DOCK4: variants seen among roughly 807,000 people sequenced by gnomAD.
DOCK4 encodes dedicator of cytokinesis 4.
Under a neutral mutation model 268.1 loss-of-function variants are expected in DOCK4, and 97 were observed. The ratio of observed to expected loss-of-function variants is 0.36; its 90% CI spans 0.31 to 0.43. The LOEUF (loss-of-function observed/expected upper bound fraction) is 0.43, where lower values mean the gene tolerates loss of function less well. DOCK4 is among the 20% of genes least tolerant of loss of function. The pLI, the probability that DOCK4 is intolerant of heterozygous loss-of-function variation, is 1.00. For missense variants in DOCK4, 2,145 were observed against 2,455.7 expected, an observed-to-expected ratio of 0.87 and a Z score of 2.67; for synonymous variants, 954 against 887.2, an observed-to-expected ratio of 1.08 and a Z score of -1.34.
At chr7:111,834,500 T>C (rs1442814832) in intron 26 of DOCK4, 88 bp downstream of exon 26, 6 of 1,005,384 alleles carry the variant, frequency 6.0e-6, no homozygotes, top group East Asian at 5.4e-5. Context: ...GGTAAAGCAA[T>C]TGTCTAGGAT....
intron 36 of DOCK4, among the ~76,000 whole-genome samples, chr7:111,776,083 C>T (rs955207177): frequency 2.0e-5 from 3 of 152,158 alleles, no homozygotes; most frequent in Non-Finnish European, 4.4e-5. Context: ...TTAATGTCTT[C>T]CTAAAGATTT....
intron 42 of DOCK4, among the ~76,000 whole-genome samples, chr7:111,753,005 T>TGGGGGGG (rs5886603): frequency 3.8e-5 from 4 of 105,200 alleles, no homozygotes; most frequent in South Asian, 4.5e-4. Flanking sequence ...GATAAGCTAT[T>TGGGGGGG]GGGGGGGGGG....
Position 111,765,768 on chromosome 7 carries a change from T to C in DOCK4, c.3916-546A>G, listed in dbSNP as rs560258456. Among the ~76,000 whole-genome samples the C allele has an allele frequency of 1.2e-3, 177 of 152,258 alleles. 1 individual carries two copies. The highest frequency in any genetic ancestry group is 4.1e-3 in the African/African-American group (171 of 41,554). ...AACAAACCAAACCAAAGGAGACCCA[T>C]AGTGCAAAGTGCTGTCTGGGCTGAA... is the stretch of plus-strand genomic sequence containing the variant. On this transcript the variant is annotated intron_variant, in intron 38 of 52. Transcript: ENST00000428084.
intron 51 of DOCK4, among the ~76,000 whole-genome samples, 164 bp downstream of exon 51, chr7:111,734,887 TAGA>T (rs1563425559): frequency 6.6e-6 from 1 of 152,128 alleles, no homozygotes; most frequent in African/African-American, 2.4e-5. Flanking sequence ...CCCCGTGTAA[TAGA>T]AGTTCAGGAA....
At chr7:111,883,354 A>G (rs1807570834) in intron 16 of DOCK4, among the ~76,000 whole-genome samples, 2 of 152,076 alleles carry the variant, frequency 1.3e-5, no homozygotes, top group South Asian at 2.1e-4. Context: ...TTTGGGTTCC[A>G]TATGTCTAAC....
At chr7:111,935,697 A>C in intron 11 of DOCK4, 69 bp from the exon 12 acceptor site, 2 of 1,358,674 alleles carry the variant, frequency 1.5e-6, no homozygotes, top group Admixed American at 1.8e-5. Context: ...CTCATAGTAC[A>C]TCTGCCCTTT....
intron 52 of DOCK4, among the ~76,000 whole-genome samples, chr7:111,729,781 G>A (rs1037095695): frequency 6.6e-6 from 1 of 152,198 alleles, no homozygotes; most frequent in Non-Finnish European, 1.5e-5. Flanking sequence ...AGAGGCACCC[G>A]AGGTTCTGCA....
At position 111,839,795 on chromosome 7, in the gene DOCK4, CT is replaced by C. The variant is rs1423732860; in HGVS notation, c.2736+4967del. On this transcript the variant is annotated intron_variant, in intron 25 of 52. Transcript: ENST00000428084. ...TTATCCATAATGTAATTTTTTTGCT[CT>C]ATTTCTTAAACTTAAATTTTAATTA... is the stretch of plus-strand genomic sequence containing the variant. Among the ~76,000 whole-genome samples the C allele has an allele frequency of 1.3e-5, 2 of 152,062 alleles. 1 individual carries two copies. The highest frequency in any genetic ancestry group is 3.8e-4 in the East Asian group (2 of 5,196).
At chr7:111,982,271 C>A (rs1029995419) in intron 7 of DOCK4, among the ~76,000 whole-genome samples, 1 of 152,168 alleles carries the variant, frequency 6.6e-6, no homozygotes, top group African/African-American at 2.4e-5. Context: ...TACCATAAAA[C>A]CACAACCAAA....
intron 52 of DOCK4, among the ~76,000 whole-genome samples, chr7:111,731,462 C>T (rs1795078007): frequency 6.6e-6 from 1 of 152,182 alleles, no homozygotes; most frequent in Non-Finnish European, 1.5e-5. Flanking sequence ...CGACACACTT[C>T]ATATTTGCCT....
chr7:112,202,319 G>A (rs1821015173), intron 1 of DOCK4, among the ~76,000 whole-genome samples: 1 of 152,132 alleles, frequency 6.6e-6, no homozygotes, highest in African/African-American at 2.4e-5. Context: ...TGTGCACAGC[G>A]TTCCCTTTTC....
intron 1 of DOCK4, among the ~76,000 whole-genome samples, chr7:112,041,424 A>G (rs146648893): frequency 2.2e-4 from 33 of 152,370 alleles, no homozygotes; most frequent in Admixed American, 5.9e-4. Context: ...TTCAATGTAT[A>G]TGAATACACA....
chr7:112,126,558 G>A (rs1330483099), intron 1 of DOCK4, among the ~76,000 whole-genome samples: 1 of 152,150 alleles, frequency 6.6e-6, no homozygotes, highest in Non-Finnish European at 1.5e-5. Flanking sequence ...ATTGACAAAT[G>A]GGATCTAATT....
chr7:111,759,762 C>T (rs1415277846), intron 40 of DOCK4, among the ~76,000 whole-genome samples: 1 of 123,232 alleles, frequency 8.1e-6, no homozygotes, highest in African/African-American at 3.3e-5. Flanking sequence ...CTCTTCCATT[C>T]CTCATTCCAG....
chr7:111,728,566 T>C lies in DOCK4; in HGVS notation c.5636A>G (p.Asn1879Ser), dbSNP rs778636728. ...SETSGFENQV[N>S]EQSAPLPVPV... ...CACCGGCAGGGGGGCCGACTGTTCA[T>C]TCACCTGATTTTCAAAGCCTGAGGT... The change falls in exon 53 of 53, where the codon AAT becomes AGT. Residue 1879 changes from asparagine (N) to serine (S), a missense_variant. Asn to Ser is a conservative substitution (Grantham distance 46, BLOSUM62 1). Around this residue, in one of 2 missense-constraint regions of DOCK4, gnomAD observed 547 missense variants for 469.0 expected, o/e 1.17. Coordinates refer to ENST00000428084, the MANE Select transcript of DOCK4 (RefSeq NM_001363540.2). 1 of 1,614,002 alleles carries C rather than the reference T, an allele frequency of 6.2e-7. No homozygotes were observed. The highest frequency in any genetic ancestry group is 1.7e-5 in the Admixed American group (1 of 60,026).
intron 25 of DOCK4, among the ~76,000 whole-genome samples, chr7:111,836,202 C>CT (rs531222718): frequency 0.014 from 1,893 of 138,592 alleles, 28 homozygotes; most frequent in African/African-American, 0.035. Context: ...ATAATAGAGC[C>CT]TTTTTTTTTT....
At chr7:111,953,462 T>C (rs541275645) in intron 8 of DOCK4, among the ~76,000 whole-genome samples, 1 of 152,312 alleles carries the variant, frequency 6.6e-6, no homozygotes, top group African/African-American at 2.4e-5. Flanking sequence ...TCCTGCATTC[T>C]GTCAAATGTT....
intron 6 of DOCK4, among the ~76,000 whole-genome samples, chr7:111,987,335 T>C (rs751873766): frequency 5.9e-5 from 9 of 152,178 alleles, no homozygotes; most frequent in Non-Finnish European, 8.8e-5. Context: ...ACTGAAGAAG[T>C]ATCATTTTCT....
At chr7:112,163,878 A>G (rs535545222) in intron 1 of DOCK4, among the ~76,000 whole-genome samples, 1 of 152,294 alleles carries the variant, frequency 6.6e-6, no homozygotes, top group Admixed American at 6.5e-5. Flanking sequence ...ACACACATTG[A>G]TATGTGTCTA....
Sources: gnomAD v4.1 joint callset for allele counts (sites outside exome capture counted in the v4.1 genomes callset) on GRCh38, gnomAD v4.1.1 for gene constraint, gnomAD v4.1.1 regional missense constraint, MANE v1.5 for transcripts, NCBI Gene and HGNC (gene_info 2026-07-23, HGNC 2026-07-21) for gene names.